Variants in IL17RE observed in about 807,000 individuals in gnomAD.
IL17RE encodes the protein interleukin-17 receptor E.
In IL17RE, 47 loss-of-function variants were observed where a neutral mutation model predicts 70.7. The ratio of observed to expected loss-of-function variants is 0.67; its 90% CI spans 0.53 to 0.85. The LOEUF is 0.85. Ranked by LOEUF, IL17RE falls within the 40% of genes least tolerant of loss-of-function variation. The pLI, the probability that IL17RE is intolerant of heterozygous loss-of-function variation, is 0.00. For missense variants in IL17RE, 850 were observed against 893.9 expected, an observed-to-expected ratio of 0.95 and a Z score of 0.63; for synonymous variants, 372 against 381.2, an observed-to-expected ratio of 0.98 and a Z score of 0.28.
At chr3:9,908,148 T>C in intron 6 of IL17RE, 91 bp from the exon 7 acceptor site, 1 of 1,047,616 alleles carries the variant, frequency 9.5e-7, no homozygotes, top group South Asian at 1.3e-5. Context: ...CAGGGTGTGT[T>C]GGCCAAGATC....
At chr3:9,909,421 G>C (rs190468473) in intron 8 of IL17RE, 138 bp downstream of exon 8, 2 of 782,736 alleles carry the variant, frequency 2.6e-6, no homozygotes, top group African/African-American at 3.4e-5. Flanking sequence ...AAGGCATGCA[G>C]GTACTTTCCC....
upstream of IL17RE, chr3:9,902,650 T>C (rs1042177290): frequency 8.5e-6 from 13 of 1,536,008 alleles, no homozygotes; most frequent in Non-Finnish European, 1.1e-5. Flanking sequence ...CTAGCCCCTT[T>C]CCTGTTACTT....
intron 12 of IL17RE, among the ~76,000 whole-genome samples, chr3:9,913,078 A>G (rs575892987): frequency 6.6e-5 from 10 of 152,300 alleles, no homozygotes; most frequent in African/African-American, 2.4e-4. Flanking sequence ...TCAATAACCC[A>G]GTAAAATAAA....
intron 12 of IL17RE, among the ~76,000 whole-genome samples, chr3:9,913,499 A>G (rs279566): frequency 0.54 from 82,594 of 152,028 alleles, 23,335 homozygotes; most frequent in African/African-American, 0.63. Flanking sequence ...GAGGTAACCT[A>G]CCTCCATGCA....
chr3:9,909,353 G>A, intron 8 of IL17RE, 70 bp downstream of exon 8: 1 of 1,223,788 alleles, frequency 8.2e-7, no homozygotes, highest in Non-Finnish European at 1.2e-6. Flanking sequence ...ACACACACAT[G>A]TACACACACA....
chr3:9,910,994 C>T lies in IL17RE; in HGVS notation c.932C>T (p.Thr311Ile), dbSNP rs767101306. The change falls in exon 9 of 16, where the codon ACC becomes ATC. Residue 311 changes from threonine to isoleucine, a missense_variant. Thr to Ile is a moderately conservative substitution (Grantham distance 89). Coordinates refer to ENST00000383814, the MANE Select transcript of IL17RE (RefSeq NM_153480.2). Reference protein sequence around the residue: ...AALCQRHDWHTLCKDLPNATA... With the variant: ...AALCQRHDWHILCKDLPNATA... ...CTCTGCCAGAGGCACGACTGGCATA[C>T]CCTTTGCAAAGACCTCCCGAATGCC... 5.0e-5 allele frequency: 80 copies of T among 1,614,060 alleles called. No individual in the cohort carries two copies. The Middle Eastern group carries it at 3.3e-3, about 66-fold the overall frequency.
chr3:9,914,768 C>G lies in IL17RE; in HGVS notation c.1438C>G (p.Pro480Ala). 2.5e-6 allele frequency: 4 copies of G among 1,613,638 alleles called. No homozygotes were observed. The Admixed American group carries it at 5.0e-5, about 20-fold the overall frequency. ...GVVLALTCRR[P>A]QSGPGPARPV... ...TGTTCTGGCCCTCACCTGCCGGCGCCCACAGTCAGGTAAGCTCACCTGGGG... is the reference window on the plus strand; with the variant it reads ...TGTTCTGGCCCTCACCTGCCGGCGCGCACAGTCAGGTAAGCTCACCTGGGG... Residue 480 changes from proline to alanine, a missense_variant, in exon 15 of 16, where the codon CCA becomes GCA. By Grantham distance (27) the Pro-to-Ala change is conservative. Transcript: ENST00000383814.
intron 8 of IL17RE, 93 bp downstream of exon 8, chr3:9,909,376 C>A: frequency 8.4e-6 from 9 of 1,075,094 alleles, no homozygotes; most frequent in Non-Finnish European, 1.3e-5. Flanking sequence ...CACACACACC[C>A]CGCACTTCAC....
At chr3:9,910,743 C>T (rs1307644684) in intron 8 of IL17RE, 122 bp from the exon 9 acceptor site, 2 of 759,040 alleles carry the variant, frequency 2.6e-6, no homozygotes, top group Non-Finnish European at 4.3e-6. Context: ...AGTACCTGTT[C>T]TGGCCAGGAA....
intron 3 of IL17RE, among the ~76,000 whole-genome samples, 189 bp downstream of exon 3, chr3:9,904,340 T>C (rs978520001): frequency 5.9e-4 from 19 of 32,418 alleles, no homozygotes; most frequent in Non-Finnish European, 1.1e-3. Context: ...TTATGAAGGT[T>C]TTTTTTCAGC....
intron 11 of IL17RE, 30 bp from the exon 12 acceptor site, chr3:9,911,413 C>T (rs1289490433): frequency 1.2e-6 from 2 of 1,613,328 alleles, no homozygotes; most frequent in Non-Finnish European, 1.7e-6. Context: ...AGCCCAACTC[C>T]TATCAACACC....
Position 9,910,875 on chromosome 3 carries a change from C to T in IL17RE, c.813C>T (p.Asp271=), listed in dbSNP as rs115354176. The change falls in exon 9 of 16, where the codon GAC becomes GAT. Residue 271 remains aspartate (D), a synonymous_variant. Transcript: ENST00000383814. ...CTGCCACCTGCCCAGATGGCTCGGA[C>T]TTCTGGAAGTCAGTGCACTTCACTG... is the stretch of plus-strand genomic sequence containing the variant. ...FQSWPEAYGS[D]FWKSVHFTDY... 5.0e-6 allele frequency: 8 copies of T among 1,613,712 alleles called. No individual in the cohort carries two copies. The highest frequency in any genetic ancestry group is 6.8e-6 in the Non-Finnish European group (8 of 1,179,876).
chr3:9,902,292 G>T (rs1254152652), upstream of IL17RE, among the ~76,000 whole-genome samples: 1 of 152,170 alleles, frequency 6.6e-6, no homozygotes, highest in African/African-American at 2.4e-5. Flanking sequence ...AGGCCCCTTT[G>T]GTATGGAGCC....
intron 6 of IL17RE, among the ~76,000 whole-genome samples, chr3:9,907,385 ATAAAT>A (rs942732984): frequency 2.7e-5 from 4 of 150,590 alleles, no homozygotes; most frequent in African/African-American, 7.5e-5. Flanking sequence ...AAATAAATAA[ATAAAT>A]TAATTAATTA....
chr3:9,910,924 G>A lies in IL17RE; in HGVS notation c.862G>A (p.Val288Ile). The A allele has an allele frequency of 6.2e-7, 1 of 1,614,140 alleles. No individual in the cohort carries two copies. Among genetic ancestry groups the A allele is most frequent in the Non-Finnish European group, 8.5e-7 (1 of 1,180,018 alleles). Residue 288 changes from valine to isoleucine, a missense_variant, in exon 9 of 16, where the codon GTC becomes ATC. By Grantham distance (29) the Val-to-Ile change is conservative. Coordinates refer to ENST00000383814, the MANE Select transcript of IL17RE (RefSeq NM_153480.2). The stretch of plus-strand genomic sequence containing the variant: ...TGACTACAGCCAGCACACTCAGATG[G>A]TCATGGCCCTGACACTCCGCTGCCC... ...FTDYSQHTQM[V>I]MALTLRCPLK...
chr3:9,915,904 T>C lies in IL17RE; in HGVS notation c.*97T>C. The C allele has an allele frequency of 7.3e-7, 1 of 1,366,460 alleles. No individual in the cohort carries two copies. The highest frequency in any genetic ancestry group is 2.9e-5 in the East Asian group (1 of 34,772). 84.6% of individuals were successfully genotyped at this position (1,366,460 alleles called of 1,614,324 possible). Reference sequence around the variant, plus strand: ...GCCTTCGACCCTGAAATCCTTGGGGTGCCTCGAGGACGACTGGCCGAAAAG... The same window carrying C: ...GCCTTCGACCCTGAAATCCTTGGGGCGCCTCGAGGACGACTGGCCGAAAAG... On this transcript the variant is annotated 3_prime_UTR_variant, in exon 16 of 16. Transcript: ENST00000383814. This position sits in a 1 kb window ranked among gnomAD's most constrained non-coding sequence, Gnocchi z 4.9.
In IL17RE at chr3:9,915,258, C is replaced by T. The variant is rs1186842767; in HGVS notation, c.1455C>T (p.Gly485=). The change falls in exon 16 of 16, where the codon GGC becomes GGT. Residue 485 remains glycine (G), a synonymous_variant. Coordinates refer to ENST00000383814, the MANE Select transcript of IL17RE (RefSeq NM_153480.2). The surrounding 1 kb of genome is among the most constrained non-coding windows in gnomAD (Gnocchi z 4.9). ...GTTGCTTCCCGCCACCAGGCCCGGG[C>T]CCAGCGCGGCCAGTGCTCCTCCTGC... ...LTCRRPQSGP[G]PARPVLLLHA... 43 of 1,391,548 alleles carry T rather than the reference C, an allele frequency of 3.1e-5. No individual in the cohort carries two copies. The highest frequency in any genetic ancestry group is 3.7e-5 in the Non-Finnish European group (40 of 1,080,412). 86.2% of individuals were successfully genotyped at this position (1,391,548 alleles called of 1,614,324 possible).
In IL17RE at chr3:9,911,608, G is replaced by A. The variant is rs371666204; in HGVS notation, c.1227+11G>A. On this transcript the variant is annotated intron_variant, in intron 12 of 15. Coordinates refer to ENST00000383814, the MANE Select transcript of IL17RE (RefSeq NM_153480.2). ...TACACTGTCAGCCAGGTATGGCCTC[G>A]CCCCCACTAGGTCCTATTGCTCAGA... 8.7e-6 allele frequency: 14 copies of A among 1,607,614 alleles called. No individual in the cohort carries two copies. The highest frequency in any genetic ancestry group is 5.4e-5 in the African/African-American group (4 of 74,756).
In IL17RE at chr3:9,914,675, T is replaced by C; in HGVS notation, c.1349-4T>C. On this transcript the variant is annotated splice_polypyrimidine_tract_variant and splice_region_variant and intron_variant, in intron 14 of 15. Coordinates refer to ENST00000383814, the MANE Select transcript of IL17RE (RefSeq NM_153480.2). ...TGGGCTTGGCCTCATCCTGCTTGACTCAGTCTCTTACAGACACCTGGGGCT... is the reference window on the plus strand; with the variant it reads ...TGGGCTTGGCCTCATCCTGCTTGACCCAGTCTCTTACAGACACCTGGGGCT... 1.9e-6 allele frequency: 3 copies of C among 1,614,034 alleles called. No homozygotes were observed. Among genetic ancestry groups the C allele is most frequent in the Non-Finnish European group, 2.5e-6 (3 of 1,179,910 alleles).
Sources: allele counts gnomAD v4.1 joint callset (sites outside exome capture counted in the v4.1 genomes callset), GRCh38; gene constraint gnomAD v4.1.1; non-coding constraint Gnocchi (gnomAD v3.1); transcripts MANE v1.5; gene names NCBI Gene and HGNC (gene_info 2026-07-23, HGNC 2026-07-21).